Variants in KIF13B observed in about 807,000 individuals in gnomAD.
The protein encoded by KIF13B is kinesin-like protein KIF13B.
KIF13B carries 127 observed loss-of-function variants against 222.0 expected under a neutral mutation model. The observed-to-expected ratio is 0.57, with a 90% confidence interval of 0.50 to 0.66. The LOEUF is 0.66. Ranked by LOEUF, KIF13B falls within the 30% of genes least tolerant of loss-of-function variation. The pLI is 0.00. For missense variants in KIF13B, 2,173 were observed against 2,379.0 expected (o/e 0.91, Z 1.80); for synonymous variants, 976 against 919.0 (o/e 1.06, Z -1.12).
intron 1 of KIF13B, among the ~76,000 whole-genome samples, chr8:29,251,043 C>T (rs1011579391): frequency 6.6e-6 from 1 of 151,842 alleles, no homozygotes; most frequent in Non-Finnish European, 1.5e-5. Flanking sequence ...CCCAGCTACT[C>T]GGGAGGCCAA....
At chr8:29,214,966 G>A (rs1319195011) in intron 2 of KIF13B, among the ~76,000 whole-genome samples, 2 of 152,144 alleles carry the variant, frequency 1.3e-5, no homozygotes. Flanking sequence ...CAAGGCAGAA[G>A]GAATATTTAC....
intron 2 of KIF13B, among the ~76,000 whole-genome samples, chr8:29,211,503 T>C (rs571688810): frequency 6.8e-4 from 104 of 152,080 alleles, no homozygotes; most frequent in African/African-American, 2.5e-3. Context: ...CCTGAGAAGC[T>C]GAGGCAGCTA....
At position 29,134,213 on chromosome 8, in the gene KIF13B, G is replaced by A. The variant is rs770141310; in HGVS notation, c.2614-3C>T. The A allele has an allele frequency of 1.2e-6, 2 of 1,610,680 alleles. No individual in the cohort carries two copies. The highest frequency in any genetic ancestry group is 1.7e-6 in the Non-Finnish European group (2 of 1,178,808). On this transcript the variant is annotated splice_region_variant and splice_polypyrimidine_tract_variant and intron_variant, in intron 21 of 39. Transcript: ENST00000524189. ...CCAGTAGCTTGCAGGATTTTAACCT[G>A]AAGGAAAAAGAAGGCTCTGTGTTTT...
At position 29,248,999 on chromosome 8, in the gene KIF13B, G is replaced by A. The variant is rs375175272; in HGVS notation, c.56-3560C>T. Reference sequence around the variant, plus strand: ...ACACTGAATTGGTTGAATTGTATGGGGCATGAATGATGTCTCAATACAGCT... The same window carrying A: ...ACACTGAATTGGTTGAATTGTATGGAGCATGAATGATGTCTCAATACAGCT... On this transcript the variant is annotated intron_variant, in intron 1 of 39. Coordinates refer to ENST00000524189, the MANE Select transcript of KIF13B (RefSeq NM_015254.4). Among the ~76,000 whole-genome samples the A allele has an allele frequency of 1.7e-3, 259 of 152,202 alleles. 3 individuals are homozygous for A. Among genetic ancestry groups the A allele is most frequent in the African/African-American group, 5.8e-3 (243 of 41,540 alleles).
In KIF13B at chr8:29,172,939, G is replaced by A. The variant is rs565285297; in HGVS notation, c.945+3129C>T. On this transcript the variant is annotated intron_variant, in intron 10 of 39. Coordinates refer to ENST00000524189, the MANE Select transcript of KIF13B (RefSeq NM_015254.4). Reference sequence around the variant, plus strand: ...GGTGCTTTTTTTTTTTTTTGAGAGGGTTGTCTTACTCTGTCACCAGGCTGG... The same window carrying A: ...GGTGCTTTTTTTTTTTTTTGAGAGGATTGTCTTACTCTGTCACCAGGCTGG... 4.0e-5 allele frequency among the ~76,000 whole-genome samples: 6 copies of A among 151,056 alleles called. No individual in the cohort carries two copies. In the South Asian group the frequency reaches 1.3e-3, roughly 32 times the overall value.
intron 11 of KIF13B, among the ~76,000 whole-genome samples, chr8:29,166,420 C>A (rs958140496): frequency 6.6e-6 from 1 of 152,080 alleles, no homozygotes; most frequent in Non-Finnish European, 1.5e-5. Flanking sequence ...GAATCCTGGC[C>A]GAGCACGGTG....
chr8:29,093,545 C>T (rs879774005), intron 36 of KIF13B, among the ~76,000 whole-genome samples: 15 of 152,112 alleles, frequency 9.9e-5, no homozygotes, highest in Non-Finnish European at 1.5e-4. Flanking sequence ...GATAAAAAGC[C>T]GTATTCACAC....
chr8:29,213,495 A>T (rs552553975), intron 2 of KIF13B, among the ~76,000 whole-genome samples: 1 of 152,362 alleles, frequency 6.6e-6, no homozygotes, highest in East Asian at 1.9e-4. Context: ...GGGCAATTTT[A>T]ACCTGTGCAA....
intron 7 of KIF13B, 31 bp from the exon 8 acceptor site, chr8:29,180,269 T>G: frequency 6.2e-7 from 1 of 1,611,998 alleles, no homozygotes; most frequent in Non-Finnish European, 8.5e-7. Flanking sequence ...GACCCACGTT[T>G]CATTACTTGT....
Position 29,139,432 on chromosome 8 carries a change from A to G in KIF13B, c.2613+631T>C, listed in dbSNP as rs185699813. Reference sequence around the variant, plus strand: ...ACTCAAAGGAGCTGCTCTGAAATCAAGTACAATATAATAAAAATGAACCCT... The same window carrying G: ...ACTCAAAGGAGCTGCTCTGAAATCAGGTACAATATAATAAAAATGAACCCT... On this transcript the variant is annotated intron_variant, in intron 21 of 39. Coordinates refer to ENST00000524189, the MANE Select transcript of KIF13B (RefSeq NM_015254.4). 3.5e-4 allele frequency among the ~76,000 whole-genome samples: 53 copies of G among 152,284 alleles called. No individual in the cohort carries two copies. The East Asian group carries it at 4.2e-3, about 12-fold the overall frequency.
chr8:29,078,230 G>A (rs539157768), intron 37 of KIF13B, among the ~76,000 whole-genome samples: 7 of 151,486 alleles, frequency 4.6e-5, no homozygotes, highest in African/African-American at 1.5e-4. Context: ...GGGAGGTGGA[G>A]GTTGCAGTGA....
Position 29,092,737 on chromosome 8 carries a change from C to T in KIF13B, c.4458+8G>A, listed in dbSNP as rs1332829493. 6.2e-7 allele frequency: 1 copy of T among 1,604,902 alleles called. No individual in the cohort carries two copies. ...AACGTTCACAGCTGTTTTCTCGGTG[C>T]TTTTTACCTGGTGTGCGAGGGGAGA... is the stretch of plus-strand genomic sequence containing the variant. On this transcript the variant is annotated splice_region_variant and intron_variant, in intron 37 of 39. Coordinates refer to ENST00000524189, the MANE Select transcript of KIF13B (RefSeq NM_015254.4).
At chr8:29,084,591 T>C (rs1807959965) in intron 37 of KIF13B, among the ~76,000 whole-genome samples, 1 of 152,218 alleles carries the variant, frequency 6.6e-6, no homozygotes, top group South Asian at 2.1e-4. Context: ...GCATTGTGAC[T>C]GTGCTTTTGA....
intron 4 of KIF13B, 83 bp from the exon 5 acceptor site, chr8:29,188,690 A>G (rs1813050346): frequency 6.1e-6 from 5 of 821,520 alleles, no homozygotes. Flanking sequence ...AAAAATCTCA[A>G]AAATGTATAA....
intron 12 of KIF13B, among the ~76,000 whole-genome samples, chr8:29,164,702 C>T (rs1811916084): frequency 6.6e-6 from 1 of 152,178 alleles, no homozygotes; most frequent in Non-Finnish European, 1.5e-5. Flanking sequence ...CTGAGCTCCA[C>T]ATTACCATAT....
chr8:29,090,579 T>C (rs960713006), intron 37 of KIF13B, among the ~76,000 whole-genome samples: 4 of 152,174 alleles, frequency 2.6e-5, no homozygotes, highest in African/African-American at 7.2e-5. Flanking sequence ...GGGAGCTCCC[T>C]GGCCACCCTG....
chr8:29,182,664 A>G (rs535082355), intron 6 of KIF13B, among the ~76,000 whole-genome samples: 2 of 152,164 alleles, frequency 1.3e-5, no homozygotes, highest in East Asian at 3.9e-4. Flanking sequence ...CATCTGAGAA[A>G]AATGTAGAGC....
At chr8:29,225,325 T>G (rs781508676) in intron 2 of KIF13B, among the ~76,000 whole-genome samples, 7 of 152,170 alleles carry the variant, frequency 4.6e-5, no homozygotes, top group Admixed American at 6.5e-5. Flanking sequence ...TTATTTGCAT[T>G]TTACAGATGG....
chr8:29,219,738 C>A (rs1425955763), intron 2 of KIF13B, among the ~76,000 whole-genome samples: 4 of 145,536 alleles, frequency 2.7e-5, no homozygotes, highest in African/African-American at 1.0e-4. Flanking sequence ...GGGTGACACC[C>A]TGTTTCCAAA....
Sources: gnomAD v4.1 joint callset for allele counts (sites outside exome capture counted in the v4.1 genomes callset) on GRCh38, gnomAD v4.1.1 for gene constraint, MANE v1.5 for transcripts, NCBI Gene and HGNC (gene_info 2026-07-23, HGNC 2026-07-21) for gene names.